Variants in RBFOX1 observed in about 807,000 individuals in gnomAD.
RBFOX1 encodes RNA binding protein fox-1 homolog 1.
In RBFOX1, 8 loss-of-function variants were observed where a neutral mutation model predicts 57.7. That is an observed-to-expected ratio of 0.14 (90% CI 0.08 to 0.25). The LOEUF (loss-of-function observed/expected upper bound fraction) is 0.25, where lower values mean the gene tolerates loss of function less well. Ranked by LOEUF, RBFOX1 falls within the 10% of genes least tolerant of loss-of-function variation. The pLI, the probability that RBFOX1 is intolerant of heterozygous loss-of-function variation, is 1.00. For synonymous variants in RBFOX1, 326 were observed against 222.4 expected (o/e 1.47, Z -4.15); for missense variants, 611 against 548.5 (o/e 1.11, Z -1.14).
intron 1 of RBFOX1, among the ~76,000 whole-genome samples, chr16:5,390,225 C>T (rs910275051): frequency 6.6e-6 from 1 of 150,388 alleles, no homozygotes; most frequent in Non-Finnish European, 1.5e-5. Context: ...ATATGATATG[C>T]TATTTTATAA....
rs373452396 is a variant in RBFOX1, at chr16:7,110,818, G to A, written c.27+58720G>A. Among the ~76,000 whole-genome samples, 10 of 152,304 alleles carry A rather than the reference G, an allele frequency of 6.6e-5. No homozygotes were observed. In the East Asian group the frequency reaches 1.4e-3, roughly 21 times the overall value. ...AATTTTAGTGACTAAAGGCTGGAAT[G>A]TCTGTCTATATTTATTCTAGTATAT... On this transcript the variant is annotated intron_variant, in intron 4 of 15. Transcript: ENST00000550418.
rs563055676 is a variant in RBFOX1, at chr16:6,295,099, GTT to G, written c.-126-21870_-126-21869del. Among the ~76,000 whole-genome samples, 644 of 95,852 alleles carry G rather than the reference GTT, an allele frequency of 6.7e-3. 2 individuals carry two copies. The highest frequency in any genetic ancestry group is 0.026 in the African/African-American group (596 of 23,306). The allele number at this position is 95,852 out of a possible 152,430, so 62.9% of individuals were successfully genotyped here. ...CTGGCAAAGAGCTCTTAAGCAGTGA[GTT>G]TTTTTTTTTTTTTTTTTTTTTTTTT... On this transcript the variant is annotated intron_variant, in intron 1 of 15. Transcript: ENST00000550418.
intron 11 of RBFOX1, among the ~76,000 whole-genome samples, chr16:7,632,272 C>A (rs550466965): frequency 6.6e-6 from 1 of 152,234 alleles, no homozygotes; most frequent in South Asian, 2.1e-4. Context: ...TCTGTGCCTC[C>A]CAAGAAGCCC....
chr16:7,477,048 A>G (rs1034407222), intron 4 of RBFOX1, among the ~76,000 whole-genome samples: 1 of 152,156 alleles, frequency 6.6e-6, no homozygotes, highest in African/African-American at 2.4e-5. Context: ...ACCGTGGGTA[A>G]CATGTTCCTT....
chr16:5,326,885 A>G (rs1371815151), intron 1 of RBFOX1, among the ~76,000 whole-genome samples: 1 of 152,212 alleles, frequency 6.6e-6, no homozygotes, highest in Non-Finnish European at 1.5e-5. Context: ...GCACGAGCTC[A>G]GGATATTAAT....
rs142188231 is a variant in RBFOX1 at position 5,889,857 on chromosome 16, A to G, written c.351+22522A>G. Among the ~76,000 whole-genome samples the G allele has an allele frequency of 6.5e-3, 984 of 152,352 alleles. 17 individuals carry two copies. The highest frequency in any genetic ancestry group is 0.036 in the Admixed American group (548 of 15,306). On this transcript the variant is annotated intron_variant, in intron 4 of 19. Coordinates refer to the RBFOX1 transcript ENST00000641259. Reference sequence around the variant, plus strand: ...TAGTCGAGTGGTTTTTAAAGACATGAATTCACCCCAGAATGGCTGGAAAGA... The same window carrying G: ...TAGTCGAGTGGTTTTTAAAGACATGGATTCACCCCAGAATGGCTGGAAAGA...
At chr16:5,871,006 C>T (rs779133138) in intron 4 of RBFOX1, among the ~76,000 whole-genome samples, 1 of 152,142 alleles carries the variant, frequency 6.6e-6, no homozygotes, top group African/African-American at 2.4e-5. Context: ...TTTGCCAGTT[C>T]CCTTTCTCTC....
chr16:6,809,339 T>C (rs1288412796), intron 3 of RBFOX1, among the ~76,000 whole-genome samples: 1 of 152,194 alleles, frequency 6.6e-6, no homozygotes, highest in Non-Finnish European at 1.5e-5. Flanking sequence ...AATAAACTAA[T>C]GTAGATTGCC....
intron 4 of RBFOX1, among the ~76,000 whole-genome samples, chr16:7,379,916 C>T (rs1568515124): frequency 6.6e-6 from 1 of 152,036 alleles, no homozygotes; most frequent in Non-Finnish European, 1.5e-5. Flanking sequence ...GCAATGGCAC[C>T]ATCATATCTC....
chr16:7,088,021 T>C (rs1215166490), intron 4 of RBFOX1, among the ~76,000 whole-genome samples: 4 of 152,226 alleles, frequency 2.6e-5, no homozygotes, highest in Non-Finnish European at 4.4e-5. Context: ...AATCTTGCAC[T>C]GGTATAGTAC....
chr16:6,584,001 TA>T lies in RBFOX1; in HGVS notation c.-63-70590del, dbSNP rs3045197. Among the ~76,000 whole-genome samples the T allele has an allele frequency of 2.7e-3, 399 of 145,972 alleles. 1 individual carries two copies. Among genetic ancestry groups the T allele is most frequent in the Middle Eastern group, 3.5e-3 (1 of 284 alleles). ...AAACAATAACAACGACAACAACATT[TA>T]AAAAAAAAAAAGAAACTCAAAATTG... On this transcript the variant is annotated intron_variant, in intron 2 of 15. Coordinates refer to ENST00000550418, the MANE Select transcript of RBFOX1 (RefSeq NM_018723.4).
chr16:6,910,966 C>T (rs966423539), intron 3 of RBFOX1, among the ~76,000 whole-genome samples: 2 of 151,914 alleles, frequency 1.3e-5, no homozygotes, highest in East Asian at 1.9e-4. Context: ...TTTGGGAGGC[C>T]GAGACAGGCG....
intron 2 of RBFOX1, among the ~76,000 whole-genome samples, chr16:5,543,415 G>A (rs117603932): frequency 0.017 from 2,524 of 152,096 alleles, 37 homozygotes; most frequent in Non-Finnish European, 0.028. Context: ...AATCAACGGC[G>A]GATTAGACAT....
chr16:7,264,253 G>T (rs540383805), intron 4 of RBFOX1, among the ~76,000 whole-genome samples: 1 of 152,146 alleles, frequency 6.6e-6, no homozygotes, highest in Non-Finnish European at 1.5e-5. Flanking sequence ...GAGTGAACTG[G>T]ACAGAAGAAA....
intron 2 of RBFOX1, among the ~76,000 whole-genome samples, chr16:6,341,562 T>C: frequency 6.6e-6 from 1 of 152,318 alleles, no homozygotes; most frequent in East Asian, 1.9e-4. Flanking sequence ...GCTTTAAAGA[T>C]AATAATGCTG....
At chr16:7,266,541 C>T (rs185647535) in intron 4 of RBFOX1, among the ~76,000 whole-genome samples, 62 of 152,250 alleles carry the variant, frequency 4.1e-4, no homozygotes, top group Middle Eastern at 3.4e-3. Context: ...ACCTATTACA[C>T]CTCATGCCCT....
intron 5 of RBFOX1, among the ~76,000 whole-genome samples, chr16:7,558,056 T>C (rs1221952296): frequency 3.9e-5 from 6 of 152,148 alleles, no homozygotes; most frequent in Admixed American, 3.9e-4. Context: ...TTATTAATTT[T>C]TAATATACTT....
At chr16:7,364,300 T>C (rs1229242013) in intron 4 of RBFOX1, among the ~76,000 whole-genome samples, 1 of 152,170 alleles carries the variant, frequency 6.6e-6, no homozygotes, top group Non-Finnish European at 1.5e-5. Context: ...CTGTTTATCT[T>C]GCAGTTACTA....
chr16:6,608,607 G>A (rs530428178), intron 2 of RBFOX1, among the ~76,000 whole-genome samples: 5 of 152,116 alleles, frequency 3.3e-5, no homozygotes, highest in Non-Finnish European at 2.9e-5. Flanking sequence ...TGGGCAACAT[G>A]GCAAGACCCC....
Sources: allele counts gnomAD v4.1 joint callset (sites outside exome capture counted in the v4.1 genomes callset), GRCh38; gene constraint gnomAD v4.1.1; transcripts MANE v1.5; gene names NCBI Gene and HGNC (gene_info 2026-07-23, HGNC 2026-07-21).